CDH20: variants seen among roughly 807,000 people sequenced by gnomAD.
CDH20 encodes the protein cadherin-20.
CDH20 carries 29 observed loss-of-function variants against 74.2 expected under a neutral mutation model. The ratio of observed to expected loss-of-function variants is 0.39; its 90% CI spans 0.29 to 0.53. The LOEUF (loss-of-function observed/expected upper bound fraction) is 0.53, where lower values mean the gene tolerates loss of function less well. Among genes scored for constraint, CDH20 ranks in the 20% least tolerant of loss-of-function variants. The pLI, the probability that CDH20 is intolerant of heterozygous loss-of-function variation, is 0.69. For missense variants in CDH20, 988 were observed against 1,048.3 expected (o/e 0.94, Z 0.79); for synonymous variants, 469 against 405.4 (o/e 1.16, Z -1.88).
intron 5 of CDH20, among the ~76,000 whole-genome samples, chr18:61,503,574 A>T (rs2051346): frequency 6.6e-6 from 1 of 152,146 alleles, no homozygotes; most frequent in African/African-American, 2.4e-5. Context: ...CTGTAGATGG[A>T]CACACCTGCC....
intron 1 of CDH20, among the ~76,000 whole-genome samples, chr18:61,394,567 G>A (rs987499237): frequency 6.6e-6 from 1 of 152,076 alleles, no homozygotes; most frequent in African/African-American, 2.4e-5. Context: ...TCCCTCAGAA[G>A]GAACCAACCC....
chr18:61,529,744 A>G (rs1912573828), intron 7 of CDH20, among the ~76,000 whole-genome samples: 1 of 152,208 alleles, frequency 6.6e-6, no homozygotes, highest in Non-Finnish European at 1.5e-5. Context: ...AAAAGACCCT[A>G]TGAGAGAAAC....
chr18:61,397,361 C>A (rs1912019123), intron 1 of CDH20, among the ~76,000 whole-genome samples: 1 of 152,110 alleles, frequency 6.6e-6, no homozygotes, highest in Non-Finnish European at 1.5e-5. Flanking sequence ...CCTGGCCTGG[C>A]CTACCCACTC....
At chr18:61,462,800 T>A (rs1909830354) in intron 1 of CDH20, among the ~76,000 whole-genome samples, 1 of 151,502 alleles carries the variant, frequency 6.6e-6, no homozygotes, top group Non-Finnish European at 1.5e-5. Context: ...ATCCTTGAAG[T>A]TTTCTGGTAA....
At chr18:61,463,360 G>A (rs1031158894) in intron 1 of CDH20, among the ~76,000 whole-genome samples, 2 of 152,120 alleles carry the variant, frequency 1.3e-5, no homozygotes, top group Admixed American at 1.3e-4. Context: ...TGGTCTGTGT[G>A]AATCTCTAAA....
At chr18:61,421,300 G>C (rs984027839) in intron 1 of CDH20, among the ~76,000 whole-genome samples, 5 of 152,120 alleles carry the variant, frequency 3.3e-5, no homozygotes, top group Non-Finnish European at 7.4e-5. Flanking sequence ...TTAAAAACTA[G>C]TGTAATCTAA....
chr18:61,475,311 C>A (rs866763232), intron 1 of CDH20, among the ~76,000 whole-genome samples: 1 of 152,140 alleles, frequency 6.6e-6, no homozygotes, highest in African/African-American at 2.4e-5. Context: ...AGAAATCTTA[C>A]CCTGACTTCT....
chr18:61,372,276 T>C (rs1911069536), intron 1 of CDH20, among the ~76,000 whole-genome samples: 1 of 152,144 alleles, frequency 6.6e-6, no homozygotes, highest in African/African-American at 2.4e-5. Context: ...TTGTCCTAAA[T>C]TTCATTTTGT....
chr18:61,422,478 A>T (rs1429227007), intron 1 of CDH20, among the ~76,000 whole-genome samples: 1 of 152,200 alleles, frequency 6.6e-6, no homozygotes, highest in African/African-American at 2.4e-5. Context: ...TTTTCTAATT[A>T]CTTTCTAGTT....
intron 1 of CDH20, among the ~76,000 whole-genome samples, chr18:61,447,528 T>C (rs562308863): frequency 1.5e-4 from 23 of 152,320 alleles, no homozygotes; most frequent in African/African-American, 4.6e-4. Context: ...CAATCTGGAT[T>C]GTGTGGTTTC....
intron 8 of CDH20, among the ~76,000 whole-genome samples, chr18:61,537,323 T>TCCAAAATATTTATACTCTTTCAGGAAA (rs2144388673): frequency 6.6e-6 from 1 of 152,264 alleles, no homozygotes; most frequent in South Asian, 2.1e-4. Context: ...GGAAATCTAC[T>TCCAAAATATTTATACTCTTTCAGGAAA]GCTAGTCATC....
At chr18:61,409,005 C>A (rs1360560431) in intron 1 of CDH20, among the ~76,000 whole-genome samples, 1 of 152,114 alleles carries the variant, frequency 6.6e-6, no homozygotes, top group Non-Finnish European at 1.5e-5. Context: ...CAAATTTAAT[C>A]AGAAAAAGCA....
intron 5 of CDH20, among the ~76,000 whole-genome samples, chr18:61,505,137 C>CT (rs1309220025): frequency 1.3e-5 from 2 of 152,122 alleles, no homozygotes; most frequent in Non-Finnish European, 2.9e-5. Context: ...ACATTTGACA[C>CT]TAGACAGGTG....
In CDH20 at chr18:61,548,423, G is replaced by C. The variant is rs766428413; in HGVS notation, c.1649-1555G>C. 2.6e-5 allele frequency among the ~76,000 whole-genome samples: 4 copies of C among 152,278 alleles called. No individual in the cohort carries two copies. In the East Asian group the frequency reaches 7.7e-4, roughly 29 times the overall value. ...AGGCCTTACTTCTATTTCTGAAAAC[G>C]AGTAAGATTATTACTATGTCCAAAT... On this transcript the variant is annotated intron_variant, in intron 10 of 11. Transcript: ENST00000262717.
chr18:61,396,028 G>A (rs1052391193), intron 1 of CDH20, among the ~76,000 whole-genome samples: 4 of 126,578 alleles, frequency 3.2e-5, no homozygotes, highest in African/African-American at 1.2e-4. Context: ...TATCTCTCCT[G>A]TGCACTCACA....
chr18:61,335,080 T>A (rs1043688690), intron 1 of CDH20, among the ~76,000 whole-genome samples: 11 of 152,176 alleles, frequency 7.2e-5, no homozygotes, highest in Admixed American at 4.6e-4. Flanking sequence ...CTAGGATGAG[T>A]TTGAACCCAC....
intron 1 of CDH20, among the ~76,000 whole-genome samples, chr18:61,335,040 G>C (rs1909712484): frequency 6.6e-6 from 1 of 152,006 alleles, no homozygotes; most frequent in Non-Finnish European, 1.5e-5. Context: ...TAAGGAATTG[G>C]ATCTACCTAA....
intron 1 of CDH20, among the ~76,000 whole-genome samples, chr18:61,408,306 G>C (rs1476966327): frequency 1.3e-5 from 2 of 152,136 alleles, no homozygotes; most frequent in African/African-American, 4.8e-5. Flanking sequence ...CAGTACTGGT[G>C]TATCTACTGA....
At chr18:61,379,253 C>T (rs1323987029) in intron 1 of CDH20, among the ~76,000 whole-genome samples, 1 of 152,162 alleles carries the variant, frequency 6.6e-6, no homozygotes, top group Non-Finnish European at 1.5e-5. Context: ...AATAATCAAG[C>T]AATTTCTCCT....
Sources: gnomAD v4.1 joint callset for allele counts (sites outside exome capture counted in the v4.1 genomes callset) on GRCh38, gnomAD v4.1.1 for gene constraint, MANE v1.5 for transcripts, NCBI Gene and HGNC (gene_info 2026-07-23, HGNC 2026-07-21) for gene names.